The following ATP1A3 variants were observed in gnomAD, a reference collection of about 807,000 sequenced individuals.
ATP1A3 encodes sodium/potassium-transporting ATPase subunit alpha-3.
ATP1A3 carries 12 observed loss-of-function variants against 108.8 expected under a neutral mutation model. The observed-to-expected ratio is 0.11, with a 90% CI of 0.07 to 0.18. The LOEUF is 0.18. Ranked by LOEUF, ATP1A3 falls within the 10% of genes least tolerant of loss-of-function variation. ATP1A3 has a pLI of 1.00. For missense variants in ATP1A3, 498 were observed against 1,387.7 expected, an observed-to-expected ratio of 0.36 and a Z score of 10.19; for synonymous variants, 539 against 564.5, an observed-to-expected ratio of 0.95 and a Z score of 0.64.
chr19:41,989,814 GCTCT>G (rs147537602), intron 1 of ATP1A3, among the ~76,000 whole-genome samples: 10 of 149,902 alleles, frequency 6.7e-5, no homozygotes, highest in South Asian at 2.1e-4. Context: ...TCTCTTGATA[GCTCT>G]CTCTCTCTCT....
In ATP1A3 at chr19:41,981,827, G is replaced by T. The variant is rs781903799; in HGVS notation, c.1197C>A (p.Thr399=). Residue 399 remains threonine, a synonymous_variant, in exon 10 of 23, where the codon ACC becomes ACA. Transcript: ENST00000648268. This position sits in a 1 kb window ranked among gnomAD's most constrained non-coding sequence, Gnocchi z 5.0. ...EADTTEDQSG[T]SFDKSSHTWV... The stretch of plus-strand genomic sequence containing the variant: ...AGGTGTGCGAACTCTTGTCAAATGA[G>T]GTCCCTGGGGGAGGCATGTGTGAGG... 1.2e-5 allele frequency: 20 copies of T among 1,614,230 alleles called. No individual in the cohort carries two copies. Among genetic ancestry groups the T allele is most frequent in the Non-Finnish European group, 1.6e-5 (19 of 1,180,038 alleles).
At position 41,978,522 on chromosome 19, in the gene ATP1A3, G is replaced by A; in HGVS notation, c.1630+84C>T. 1 of 1,569,338 alleles carries A rather than the reference G, an allele frequency of 6.4e-7. No individual in the cohort carries two copies. ...ATTCATTTACAGTATATTCTGGGAG[G>A]CCCTGGGCTGAGACAGGCTTTGGGC... is the stretch of plus-strand genomic sequence containing the variant. On this transcript the variant is annotated intron_variant, in intron 12 of 22. Transcript: ENST00000648268. The surrounding 1 kb of genome is among the most constrained non-coding windows in gnomAD (Gnocchi z 8.3).
At chr19:41,975,514 C>T (rs2075156300) in intron 16 of ATP1A3, 115 bp downstream of exon 16, 9 of 1,464,866 alleles carry the variant, frequency 6.1e-6, no homozygotes, top group African/African-American at 1.4e-5. Flanking sequence ...CCTCCAGGGC[C>T]AGGGGGCCTG....
chr19:41,991,204 G>A (rs1402827519), intron 1 of ATP1A3, among the ~76,000 whole-genome samples: 20 of 152,226 alleles, frequency 1.3e-4, no homozygotes, highest in African/African-American at 3.6e-4. Context: ...GGGATCGGAG[G>A]CTCAGCGCGG....
rs1555864938 is a variant in ATP1A3 at position 41,985,189 on chromosome 19, G to A, written c.725-3C>T. ...CACCACCACGCCCCGAGCCGTGCCT[G>A]CAGGCCAGAGGGGTTAGGCTGAGGT... On this transcript the variant is annotated splice_region_variant and splice_polypyrimidine_tract_variant and intron_variant, in intron 7 of 22. Transcript: ENST00000648268. This position sits in a 1 kb window ranked among gnomAD's most constrained non-coding sequence, Gnocchi z 8.2. The A allele has an allele frequency of 8.7e-6, 14 of 1,613,686 alleles. No individual in the cohort carries two copies. The highest frequency in any genetic ancestry group is 1.2e-5 in the Non-Finnish European group (14 of 1,179,768).
rs149645771 is a variant in ATP1A3, at chr19:41,971,369, C to A, written c.2264-827G>T. On this transcript the variant is annotated intron_variant, in intron 16 of 22. Coordinates refer to ENST00000648268, the MANE Select transcript of ATP1A3 (RefSeq NM_152296.5). ...GGAGTTGCTATCAAACATCCCCCAC[C>A]CCACCGACCGAGTAATCCGACTCCT... Among the ~76,000 whole-genome samples, 6 of 152,224 alleles carry A rather than the reference C, an allele frequency of 3.9e-5. No homozygotes were observed. The East Asian group carries it at 1.2e-3, about 29-fold the overall frequency.
Position 41,975,717 on chromosome 19 carries a change from G to A in ATP1A3, c.2175C>T (p.Gly725=). The A allele has an allele frequency of 6.2e-7, 1 of 1,614,132 alleles. No homozygotes were observed. The highest frequency in any genetic ancestry group is 8.5e-7 in the Non-Finnish European group (1 of 1,179,998). ...LKKADIGVAM[G]IAGSDVSKQA... ...GCTTGGAGACGTCAGAGCCAGCGAT[G>A]CCCATGGCCACCCCAATGTCGGCCT... Residue 725 remains glycine (G), a synonymous_variant, in exon 16 of 23, where the codon GGC becomes GGT. Coordinates refer to ENST00000648268, the MANE Select transcript of ATP1A3 (RefSeq NM_152296.5).
At chr19:41,993,777 A>G (rs1435441108) in intron 1 of ATP1A3, 2 of 612,090 alleles carry the variant, frequency 3.3e-6, no homozygotes, top group African/African-American at 3.7e-5. Context: ...CAGCTCTCAT[A>G]CGCACATGCA....
chr19:41,972,866 GA>G (rs2145954166), intron 16 of ATP1A3, among the ~76,000 whole-genome samples: 4 of 133,166 alleles, frequency 3.0e-5, no homozygotes, highest in African/African-American at 1.1e-4. Context: ...AGGAAAGAAG[GA>G]AGGAAGGCAG....
rs1471214305 is a variant in ATP1A3, at chr19:41,985,159, G to A, written c.752C>T (p.Thr251Met). 5 of 1,613,282 alleles carry A rather than the reference G, an allele frequency of 3.1e-6. No homozygotes were observed. The highest frequency in any genetic ancestry group is 4.2e-6 in the Non-Finnish European group (5 of 1,179,522). The change falls in exon 8 of 23, where the codon ACG (threonine) becomes ATG (methionine). Residue 251 changes from threonine (T) to methionine (M), a missense_variant. Thr to Met is a moderately conservative substitution (Grantham distance 81, BLOSUM62 -1). Coordinates refer to ENST00000648268, the MANE Select transcript of ATP1A3 (RefSeq NM_152296.5). This position sits in a 1 kb window ranked among gnomAD's most constrained non-coding sequence, Gnocchi z 8.2. ...EGTARGVVVA[T>M]GDRTVMGRIA... ...ACGGCCCATGACAGTGCGGTCGCCCGTGGCCACCACCACGCCCCGAGCCGT... is the reference window on the plus strand; with the variant it reads ...ACGGCCCATGACAGTGCGGTCGCCCATGGCCACCACCACGCCCCGAGCCGT...
chr19:41,969,164 C>T (rs2075075681), intron 19 of ATP1A3, among the ~76,000 whole-genome samples: 1 of 152,130 alleles, frequency 6.6e-6, no homozygotes, highest in Non-Finnish European at 1.5e-5. Flanking sequence ...CCCTGTGGGC[C>T]TCCCAAGGAG....
rs782225361 is a variant in ATP1A3 at position 41,988,185 on chromosome 19, G to T, written c.154-46C>A. On this transcript the variant is annotated intron_variant, in intron 3 of 22. Coordinates refer to ENST00000648268, the MANE Select transcript of ATP1A3 (RefSeq NM_152296.5). This position sits in a 1 kb window ranked among gnomAD's most constrained non-coding sequence, Gnocchi z 5.3. ...ACAGAACCCTCCCTGGGCAACCCTG[G>T]CACCCCAGGCCTTCACCAGACCCCC... 15 of 1,613,368 alleles carry T rather than the reference G, an allele frequency of 9.3e-6. No individual in the cohort carries two copies. Among genetic ancestry groups the T allele is most frequent in the African/African-American group, 1.3e-5 (1 of 74,970 alleles).
At chr19:41,979,087 C>T (rs1390085981) in intron 11 of ATP1A3, among the ~76,000 whole-genome samples, 1 of 151,266 alleles carries the variant, frequency 6.6e-6, no homozygotes, top group Non-Finnish European at 1.5e-5. Context: ...ACTGCAACCT[C>T]CACCTCCTGG....
intron 1 of ATP1A3, among the ~76,000 whole-genome samples, chr19:41,992,343 C>T (rs1306093292): frequency 2.0e-5 from 3 of 152,102 alleles, no homozygotes; most frequent in Non-Finnish European, 4.4e-5. Context: ...GATGGGCGCG[C>T]TGCGGGGTGG....
chr19:41,983,449 C>T (rs1473159057), intron 8 of ATP1A3, among the ~76,000 whole-genome samples: 1 of 151,810 alleles, frequency 6.6e-6, no homozygotes, highest in African/African-American at 2.4e-5. Flanking sequence ...CTAAGATAGT[C>T]CCTGCCATGC....
Position 41,978,193 on chromosome 19 carries a change from G to T in ATP1A3, c.1764C>A (p.Ala588=), listed in dbSNP as rs782335069. 1.2e-6 allele frequency: 2 copies of T among 1,614,098 alleles called. No individual in the cohort carries two copies. Among genetic ancestry groups the T allele is most frequent in the African/African-American group, 2.7e-5 (2 of 74,940 alleles). ...LMSMIDPPRA[A]VPDAVGKCRS... is the part of the protein sequence containing the mutation. ...GACACTTGCCCACCGCGTCAGGGAC[G>T]GCTGCCCGGGGTGGGTCGATCATGG... is the stretch of plus-strand genomic sequence containing the variant. Residue 588 remains alanine, a synonymous_variant, in exon 13 of 23, where the codon GCC becomes GCA. Transcript: ENST00000648268. The surrounding 1 kb of genome is among the most constrained non-coding windows in gnomAD (Gnocchi z 8.3).
Position 41,994,087 on chromosome 19 carries a change from C to A in ATP1A3, c.-11G>T. The A allele has an allele frequency of 6.3e-7, 1 of 1,595,608 alleles. No individual in the cohort carries two copies. Among genetic ancestry groups the A allele is most frequent in the Non-Finnish European group, 8.5e-7 (1 of 1,173,856 alleles). On this transcript the variant is annotated 5_prime_UTR_variant, in exon 1 of 23. Transcript: ENST00000648268. ...AGCACCTACCCCCATCTTGGCGGCT[C>A]CGCGGCGAGAGAGCCAGGCGGGCGG... is the stretch of plus-strand genomic sequence containing the variant.
intron 8 of ATP1A3, among the ~76,000 whole-genome samples, chr19:41,982,348 A>AGGTGC (rs1183009364): frequency 2.0e-5 from 3 of 152,148 alleles, no homozygotes; most frequent in African/African-American, 7.2e-5. Flanking sequence ...CAAAACAGCC[A>AGGTGC]GGTGCAGTGG....
At chr19:41,970,904 T>C (rs1349995943) in intron 16 of ATP1A3, among the ~76,000 whole-genome samples, 1 of 151,768 alleles carries the variant, frequency 6.6e-6, no homozygotes, top group Non-Finnish European at 1.5e-5. Flanking sequence ...AGTGCTGGGA[T>C]TACAGGCGTG....
Sources: allele counts gnomAD v4.1 joint callset (sites outside exome capture counted in the v4.1 genomes callset), GRCh38; gene constraint gnomAD v4.1.1; non-coding constraint Gnocchi (gnomAD v3.1); transcripts MANE v1.5; gene names NCBI Gene and HGNC (gene_info 2026-07-23, HGNC 2026-07-21).